Variants in ZWILCH observed in about 807,000 individuals in gnomAD.
ZWILCH encodes the protein protein zwilch homolog.
Under a neutral mutation model 79.9 loss-of-function variants are expected in ZWILCH, and 74 were observed. The observed-to-expected ratio is 0.93, with a 90% CI of 0.77 to 1.12. ZWILCH has a LOEUF of 1.12. Among genes scored for constraint, ZWILCH ranks in the 50% most tolerant of loss-of-function variants. The pLI is 0.00. For synonymous variants in ZWILCH, 241 were observed against 228.2 expected, an observed-to-expected ratio of 1.06 and a Z score of -0.51; for missense variants, 694 against 687.5, an observed-to-expected ratio of 1.01 and a Z score of -0.11.
chr15:66,512,999 T>C (rs1433234530), intron 2 of ZWILCH, among the ~76,000 whole-genome samples: 1 of 152,112 alleles, frequency 6.6e-6, no homozygotes, highest in Non-Finnish European at 1.5e-5. Context: ...TTCACCAGTT[T>C]GAGCAGACTG....
chr15:66,532,495 A>C, intron 13 of ZWILCH, 92 bp downstream of exon 13: 1 of 1,191,826 alleles, frequency 8.4e-7, no homozygotes, highest in Non-Finnish European at 1.2e-6. Flanking sequence ...CTTGTCCCTC[A>C]TCGTCTGTAG....
At chr15:66,535,596 A>G (rs1300026401) in intron 14 of ZWILCH, among the ~76,000 whole-genome samples, 4 of 151,888 alleles carry the variant, frequency 2.6e-5, no homozygotes, top group Non-Finnish European at 4.4e-5. Context: ...GAATCACTTG[A>G]ATCCAGGAGG....
At chr15:66,513,574 C>G (rs1217491178) in intron 2 of ZWILCH, among the ~76,000 whole-genome samples, 1 of 151,104 alleles carries the variant, frequency 6.6e-6, no homozygotes, top group Non-Finnish European at 1.5e-5. Context: ...GAGACTCTGT[C>G]TCTTTTTTTT....
chr15:66,529,537 C>T lies in ZWILCH; in HGVS notation c.1119C>T (p.Ile373=), dbSNP rs1894796286. ...ACTTGGTGAAGTGTTTCACATTGAT[C>T]ATCCAGAGTCTACAACGTGGTGATA... ...YQDLVKCFTL[I]IQSLQRGDIQ... is the part of the protein sequence containing the mutation. The change falls in exon 12 of 19, where the codon ATC becomes ATT. Residue 373 remains isoleucine, a synonymous_variant. Coordinates refer to ENST00000307897, the MANE Select transcript of ZWILCH (RefSeq NM_017975.5). 6.2e-7 allele frequency: 1 copy of T among 1,613,958 alleles called. No homozygotes were observed. Among genetic ancestry groups the T allele is most frequent in the Non-Finnish European group, 8.5e-7 (1 of 1,179,950 alleles).
rs1390564875 is a variant in ZWILCH at position 66,546,559 on chromosome 15, C to G, written c.1688-32C>G. ...CATGGTAGAAAAGCAGGGTGTTAAGCAATTCTGATCTCACTCTCTTTTTGA... is the reference window on the plus strand; with the variant it reads ...CATGGTAGAAAAGCAGGGTGTTAAGGAATTCTGATCTCACTCTCTTTTTGA... On this transcript the variant is annotated intron_variant, in intron 17 of 18. Coordinates refer to ENST00000307897, the MANE Select transcript of ZWILCH (RefSeq NM_017975.5). 3 of 1,501,388 alleles carry G rather than the reference C, an allele frequency of 2.0e-6. No individual in the cohort carries two copies. In the Admixed American group the frequency reaches 5.4e-5, roughly 27 times the overall value. The allele number at this position is 1,501,388 out of a possible 1,614,324, so 93.0% of individuals were successfully genotyped here. A position where few individuals can be genotyped will look rare whatever the true frequency, so the allele number is the denominator to read the frequency against.
At chr15:66,534,916 AC>A (rs1185420663) in intron 14 of ZWILCH, among the ~76,000 whole-genome samples, 3 of 152,228 alleles carry the variant, frequency 2.0e-5, no homozygotes, top group African/African-American at 7.2e-5. Flanking sequence ...TACATTATAA[AC>A]TTTTAAATTT....
chr15:66,518,736 A>G (rs560442390), intron 4 of ZWILCH, 143 bp from the exon 5 acceptor site: 1 of 713,940 alleles, frequency 1.4e-6, no homozygotes, highest in East Asian at 2.7e-5. Flanking sequence ...ACTTGAGCCA[A>G]GGAGGCCAAG....
rs35789979 is a variant in ZWILCH, at chr15:66,521,065, T to C, written c.607T>C (p.Phe203Leu). The part of the protein sequence containing the change: ...HHLSTVTSKG[F>L]AQYELFKSSA... ...CTCTTTTCAGGTAACATCCAAAGGC[T>C]TTGCCCAGTATGAGCTCTTTAAGTC... The change falls in exon 7 of 19, where the codon TTT becomes CTT. Residue 203 changes from phenylalanine to leucine, a missense_variant. Physicochemically the swap from Phe to Leu is conservative, Grantham distance 22. Coordinates refer to ENST00000307897, the MANE Select transcript of ZWILCH (RefSeq NM_017975.5). 1.1e-5 allele frequency: 17 copies of C among 1,614,050 alleles called. No individual in the cohort carries two copies. The highest frequency in any genetic ancestry group is 1.4e-5 in the Non-Finnish European group (17 of 1,180,036).
chr15:66,513,898 C>T, intron 2 of ZWILCH, 90 bp from the exon 3 acceptor site: 1 of 1,032,684 alleles, frequency 9.7e-7, no homozygotes, highest in Non-Finnish European at 1.4e-6. Context: ...GGAAATTTTC[C>T]ATTGACTTGC....
At chr15:66,531,602 C>T (rs1263372370) in intron 12 of ZWILCH, among the ~76,000 whole-genome samples, 2 of 151,954 alleles carry the variant, frequency 1.3e-5, no homozygotes, top group Non-Finnish European at 2.9e-5. Context: ...GGACTACAGG[C>T]GCTTGCTACC....
intron 17 of ZWILCH, among the ~76,000 whole-genome samples, chr15:66,544,435 A>G (rs1000341897): frequency 6.6e-6 from 1 of 151,104 alleles, no homozygotes; most frequent in Admixed American, 6.6e-5. Context: ...AGGCTCAAGC[A>G]ATCCTCCTAC....
intron 1 of ZWILCH, chr15:66,505,730 T>C (rs1405912050): frequency 2.8e-6 from 1 of 355,434 alleles, no homozygotes. Flanking sequence ...CCTTCCCCTG[T>C]TTAAAGCCTT....
At chr15:66,518,746 G>C in intron 4 of ZWILCH, 133 bp from the exon 5 acceptor site, 1 of 791,760 alleles carries the variant, frequency 1.3e-6, no homozygotes, top group African/African-American at 1.7e-5. Flanking sequence ...AGGAGGCCAA[G>C]GCTGTAGTGA....
chr15:66,521,266 G>A lies in ZWILCH; in HGVS notation c.747+61G>A. 1.9e-6 allele frequency: 3 copies of A among 1,573,112 alleles called. No homozygotes were observed. In the South Asian group the frequency reaches 3.4e-5, roughly 18 times the overall value. ...AGACTCCTAAATGTTGGCTTACTTG[G>A]TTGTTGCTGGTGCTCCATGCCTCTA... On this transcript the variant is annotated intron_variant, in intron 7 of 18. Transcript: ENST00000307897.
chr15:66,513,981 T>A lies in ZWILCH; in HGVS notation c.106-7T>A. The A allele has an allele frequency of 6.2e-7, 1 of 1,606,030 alleles. No homozygotes were observed. Among genetic ancestry groups the A allele is most frequent in the Non-Finnish European group, 8.5e-7 (1 of 1,175,904 alleles). ...TGTATAATGTTGCTCGATACCTGTT[T>A]TAACAGGCTGATGTCCAAGTGCAGT... On this transcript the variant is annotated splice_region_variant and splice_polypyrimidine_tract_variant and intron_variant, in intron 2 of 18. Transcript: ENST00000307897.
Position 66,521,194 on chromosome 15 carries a change from A to C in ZWILCH, c.736A>C (p.Thr246Pro). ...TCTTCAAATCCCTCCACTCTCTTCA[A>C]CTGCAACTCTGGTAAGAGTGGGCCC... ...EILQIPPLSS[T>P]ATLNIKVESG... The change falls in exon 7 of 19, where the codon ACT becomes CCT. Residue 246 changes from threonine (T) to proline (P), a missense_variant. By Grantham distance (38) the Thr-to-Pro change is conservative. Coordinates refer to ENST00000307897, the MANE Select transcript of ZWILCH (RefSeq NM_017975.5). 1.9e-6 allele frequency: 3 copies of C among 1,611,610 alleles called. No homozygotes were observed. The highest frequency in any genetic ancestry group is 2.5e-6 in the Non-Finnish European group (3 of 1,179,952).
intron 17 of ZWILCH, among the ~76,000 whole-genome samples, chr15:66,544,722 T>TGTG (rs1555426552): frequency 1.8e-3 from 54 of 29,732 alleles, no homozygotes; most frequent in Admixed American, 5.4e-3. Context: ...TTTTTTTGGT[T>TGTG]TTTGTGTGTG....
chr15:66,550,044 C>T lies in ZWILCH; in HGVS notation c.*1720C>T, dbSNP rs1219170138. 6.3e-7 allele frequency: 1 copy of T among 1,598,752 alleles called. No individual in the cohort carries two copies. The highest frequency in any genetic ancestry group is 8.5e-7 in the Non-Finnish European group (1 of 1,172,798). On this transcript the variant is annotated 3_prime_UTR_variant, in exon 19 of 19. Transcript: ENST00000307897. ...ACATTGAAATATACTGACTCACCTG[C>T]AGCAAGCATCTGATTGTTGATAGAG...
chr15:66,535,207 G>A (rs1413376150), intron 14 of ZWILCH, among the ~76,000 whole-genome samples: 1 of 152,096 alleles, frequency 6.6e-6, no homozygotes, highest in African/African-American at 2.4e-5. Context: ...TCACCTATGA[G>A]ATAACATAGG....
Sources: gnomAD v4.1 joint callset for allele counts (sites outside exome capture counted in the v4.1 genomes callset) on GRCh38, gnomAD v4.1.1 for gene constraint, MANE v1.5 for transcripts, NCBI Gene and HGNC (gene_info 2026-07-23, HGNC 2026-07-21) for gene names.